Variants in CAMK1D observed in about 807,000 individuals in gnomAD.
CAMK1D encodes calcium/calmodulin-dependent protein kinase type 1D.
In CAMK1D, 9 loss-of-function variants were observed where a neutral mutation model predicts 47.7. The ratio of observed to expected loss-of-function variants is 0.19; its 90% CI spans 0.11 to 0.33. The LOEUF is 0.33. Among genes scored for constraint, CAMK1D ranks in the 10% least tolerant of loss-of-function variants. The pLI is 1.00. For synonymous variants in CAMK1D, 184 were observed against 184.9 expected (o/e 0.99, Z 0.04); for missense variants, 291 against 488.7 (o/e 0.60, Z 3.81).
At chr10:12,793,726 C>T (rs11596463) in intron 6 of CAMK1D, among the ~76,000 whole-genome samples, 37,564 of 152,116 alleles carry the variant, frequency 0.25, 5,772 homozygotes, top group Admixed American at 0.34. Context: ...CAAACAGGAT[C>T]ATCATGGTTG....
At chr10:12,374,641 T>A (rs970304466) in intron 1 of CAMK1D, among the ~76,000 whole-genome samples, 24 of 152,168 alleles carry the variant, frequency 1.6e-4, no homozygotes, top group African/African-American at 5.8e-4. Context: ...TATTTTTCTT[T>A]TTTTAGAAAT....
chr10:12,686,473 C>T (rs889077654), intron 3 of CAMK1D, among the ~76,000 whole-genome samples: 10 of 152,034 alleles, frequency 6.6e-5, no homozygotes, highest in Admixed American at 5.2e-4. Flanking sequence ...AGGCACGCAC[C>T]ACCACGTCCA....
chr10:12,551,984 C>T (rs1174953054), intron 1 of CAMK1D, among the ~76,000 whole-genome samples: 1 of 152,200 alleles, frequency 6.6e-6, no homozygotes, highest in African/African-American at 2.4e-5. Context: ...AAAGTCTTGG[C>T]ACAGAGAACG....
chr10:12,419,323 C>T (rs1224158171), intron 1 of CAMK1D, among the ~76,000 whole-genome samples: 5 of 152,044 alleles, frequency 3.3e-5, no homozygotes, highest in African/African-American at 4.8e-5. Context: ...CCTGGGGCCA[C>T]GGAACTCAAA....
At chr10:12,620,193 A>T (rs1199844272) in intron 2 of CAMK1D, among the ~76,000 whole-genome samples, 1 of 48,128 alleles carries the variant, frequency 2.1e-5, no homozygotes, top group African/African-American at 3.6e-5. Flanking sequence ...TCTCAAAAAA[A>T]AAAAAAAAAA....
chr10:12,832,721 AGCCACCGCTG>A lies in CAMK1D; in HGVS notation c.*3838_*3847del. The A allele has an allele frequency of 6.6e-6, 1 of 152,288 alleles. No homozygotes were observed. Among genetic ancestry groups the A allele is most frequent in the African/African-American group, 2.4e-5 (1 of 41,554 alleles). The allele number at this position is 152,288 out of a possible 1,614,324, so 9.4% of individuals were successfully genotyped here. ...CCTTGAGAACGGTGTAGAGTCTCTG[AGCCACCGCTG>A]GCCTTTGAGAGAGTCTCACTCTCCA... On this transcript the variant is annotated 3_prime_UTR_variant, in exon 11 of 11. Coordinates refer to ENST00000619168, the MANE Select transcript of CAMK1D (RefSeq NM_153498.4).
intron 1 of CAMK1D, among the ~76,000 whole-genome samples, chr10:12,418,876 G>A (rs139463371): frequency 1.0e-3 from 159 of 152,340 alleles, no homozygotes; most frequent in African/African-American, 3.8e-3. Flanking sequence ...CCTGCCGAGG[G>A]ATGTCCTGCA....
intron 1 of CAMK1D, among the ~76,000 whole-genome samples, chr10:12,409,835 CTG>C (rs1366139118): frequency 6.6e-6 from 1 of 152,232 alleles, no homozygotes; most frequent in Non-Finnish European, 1.5e-5. Flanking sequence ...AACAGAAACT[CTG>C]TACCCATTAA....
At chr10:12,626,277 TG>T (rs930065107) in intron 2 of CAMK1D, among the ~76,000 whole-genome samples, 2 of 152,176 alleles carry the variant, frequency 1.3e-5, no homozygotes, top group Non-Finnish European at 2.9e-5. Context: ...GTGAGTCTTT[TG>T]CATTAATTTA....
At chr10:12,378,865 C>T (rs1213541648) in intron 1 of CAMK1D, among the ~76,000 whole-genome samples, 1 of 148,152 alleles carries the variant, frequency 6.7e-6, no homozygotes, top group African/African-American at 2.5e-5. Flanking sequence ...GCTGGAGTGC[C>T]GTGGTGCGCT....
intron 3 of CAMK1D, among the ~76,000 whole-genome samples, chr10:12,748,990 T>C (rs1835804650): frequency 1.3e-5 from 2 of 152,200 alleles, no homozygotes; most frequent in African/African-American, 4.8e-5. Context: ...TCAATTTGAT[T>C]GTAACTAATG....
intron 2 of CAMK1D, among the ~76,000 whole-genome samples, chr10:12,569,900 C>G (rs1408316137): frequency 6.6e-6 from 1 of 151,410 alleles, no homozygotes; most frequent in Non-Finnish European, 1.5e-5. Flanking sequence ...CTTGAGGTAA[C>G]TACTTTTAAA....
chr10:12,479,001 A>G (rs1000646576), intron 1 of CAMK1D, among the ~76,000 whole-genome samples: 22 of 152,100 alleles, frequency 1.4e-4, no homozygotes, highest in African/African-American at 5.3e-4. Flanking sequence ...AGGTGCGCCC[A>G]ATTAACTCTT....
chr10:12,769,877 A>C (rs764155752), intron 5 of CAMK1D, 78 bp downstream of exon 5: 6 of 1,524,066 alleles, frequency 3.9e-6, no homozygotes, highest in Non-Finnish European at 5.4e-6. Context: ...GTGTCAACTC[A>C]TCAGTTGTGT....
intron 2 of CAMK1D, among the ~76,000 whole-genome samples, chr10:12,575,280 A>G (rs533267919): frequency 6.6e-6 from 1 of 151,936 alleles, no homozygotes; most frequent in Non-Finnish European, 1.5e-5. Context: ...TTTAGTAGAG[A>G]TGGGGTTTCA....
rs941577577 is a variant in CAMK1D at position 12,712,330 on chromosome 10, C to T, written c.299+45520C>T. ...CTAGAGTACTCACAGCTAGGACAGGCGCACACATAACTATAATACCAAGCC... is the reference window on the plus strand; with the variant it reads ...CTAGAGTACTCACAGCTAGGACAGGTGCACACATAACTATAATACCAAGCC... On this transcript the variant is annotated intron_variant, in intron 3 of 10. Coordinates refer to ENST00000619168, the MANE Select transcript of CAMK1D (RefSeq NM_153498.4). Among the ~76,000 whole-genome samples the T allele has an allele frequency of 6.6e-5, 10 of 152,198 alleles. No individual in the cohort carries two copies. In the East Asian group the frequency reaches 9.6e-4, roughly 15 times the overall value.
At chr10:12,488,506 A>G (rs1834281113) in intron 1 of CAMK1D, among the ~76,000 whole-genome samples, 1 of 152,080 alleles carries the variant, frequency 6.6e-6, no homozygotes, top group African/African-American at 2.4e-5. Context: ...ATGGAAGACA[A>G]ATGTTTCCGT....
chr10:12,745,575 A>C (rs1243362330), intron 3 of CAMK1D, among the ~76,000 whole-genome samples: 1 of 151,506 alleles, frequency 6.6e-6, no homozygotes, highest in African/African-American at 2.4e-5. Flanking sequence ...TGTTTTTCCA[A>C]ATGCAAGAAA....
At chr10:12,652,319 C>T (rs919382218) in intron 2 of CAMK1D, among the ~76,000 whole-genome samples, 1 of 151,324 alleles carries the variant, frequency 6.6e-6, no homozygotes, top group South Asian at 2.1e-4. Context: ...CTGTGGCTCA[C>T]GCCTGTAATC....
Sources: gnomAD v4.1 joint callset for allele counts (sites outside exome capture counted in the v4.1 genomes callset) on GRCh38, gnomAD v4.1.1 for gene constraint, MANE v1.5 for transcripts, NCBI Gene and HGNC (gene_info 2026-07-23, HGNC 2026-07-21) for gene names.